Variants in SCAPER observed in about 807,000 individuals in gnomAD.
SCAPER encodes S-phase cyclin A associated protein in the ER, also known as S phase cyclin A-associated protein in the endoplasmic reticulum.
In SCAPER, 98 loss-of-function variants were observed where a neutral mutation model predicts 182.2. The observed-to-expected ratio is 0.54, with a 90% CI of 0.46 to 0.64. The LOEUF (loss-of-function observed/expected upper bound fraction) is 0.64, where lower values mean the gene tolerates loss of function less well. Ranked by LOEUF, SCAPER falls within the 30% of genes least tolerant of loss-of-function variation. The probability of loss-of-function intolerance (pLI) is 0.00; values close to 1 mark genes in which losing one functional copy is unlikely to be tolerated. For synonymous variants in SCAPER, 605 were observed against 564.6 expected, an observed-to-expected ratio of 1.07 and a Z score of -1.01; for missense variants, 1,432 against 1,690.0, an observed-to-expected ratio of 0.85 and a Z score of 2.68.
intron 23 of SCAPER, among the ~76,000 whole-genome samples, chr15:76,562,285 A>G (rs977598230): frequency 6.6e-6 from 1 of 152,154 alleles, no homozygotes; most frequent in Non-Finnish European, 1.5e-5. Flanking sequence ...TTTATAAAAG[A>G]CAATATTGAT....
rs187471649 is a variant in SCAPER, at chr15:76,816,211, C to A, written c.394-11578G>T. ...TGTCTTCCTAATAAATTAACCTTAGCTTACTACAATCTTTTTACTTTATAA... is the reference window on the plus strand; with the variant it reads ...TGTCTTCCTAATAAATTAACCTTAGATTACTACAATCTTTTTACTTTATAA... On this transcript the variant is annotated intron_variant, in intron 5 of 31. Coordinates refer to ENST00000563290, the MANE Select transcript of SCAPER (RefSeq NM_020843.4). Among the ~76,000 whole-genome samples, 575 of 152,296 alleles carry A rather than the reference C, an allele frequency of 3.8e-3. 4 individuals are homozygous for A. The highest frequency in any genetic ancestry group is 0.013 in the African/African-American group (561 of 41,562).
chr15:76,434,935 C>T (rs557445894), intron 25 of SCAPER, among the ~76,000 whole-genome samples: 1 of 152,242 alleles, frequency 6.6e-6, no homozygotes, highest in East Asian at 1.9e-4. Flanking sequence ...TCCCTAGCTC[C>T]CAGGACAACT....
intron 26 of SCAPER, among the ~76,000 whole-genome samples, chr15:76,433,611 T>C (rs1567129926): frequency 6.6e-6 from 1 of 152,226 alleles, no homozygotes; most frequent in Non-Finnish European, 1.5e-5. Context: ...ACTGAGATAA[T>C]CATTTTTCCC....
intron 23 of SCAPER, among the ~76,000 whole-genome samples, 163 bp downstream of exon 23, chr15:76,573,995 C>A (rs2062224153): frequency 6.6e-6 from 1 of 151,404 alleles, no homozygotes; most frequent in African/African-American, 2.4e-5. Context: ...AATTAAACAA[C>A]TGAAAAGAAC....
chr15:76,886,218 G>A lies in SCAPER; in HGVS notation c.-59-2342C>T, dbSNP rs143314099. ...CTCACAACCGGGCACAGTGGCTCACGCCTGTAATCCCACCACACTGGGAGG... is the reference window on the plus strand; with the variant it reads ...CTCACAACCGGGCACAGTGGCTCACACCTGTAATCCCACCACACTGGGAGG... On this transcript the variant is annotated intron_variant, in intron 1 of 31. Coordinates refer to ENST00000563290, the MANE Select transcript of SCAPER (RefSeq NM_020843.4). Among the ~76,000 whole-genome samples the A allele has an allele frequency of 8.1e-3, 1,232 of 152,300 alleles. 12 individuals are homozygous for A. Among genetic ancestry groups the A allele is most frequent in the African/African-American group, 0.028 (1,168 of 41,558 alleles).
At chr15:76,636,708 G>A (rs2053633388) in intron 21 of SCAPER, among the ~76,000 whole-genome samples, 1 of 152,126 alleles carries the variant, frequency 6.6e-6, no homozygotes, top group African/African-American at 2.4e-5. Flanking sequence ...ACCAAGATAA[G>A]TTAAAATGCC....
At chr15:76,767,167 GAACTC>G in intron 10 of SCAPER, 79 bp from the exon 11 acceptor site, 1 of 1,246,204 alleles carries the variant, frequency 8.0e-7, no homozygotes, top group Non-Finnish European at 1.1e-6. Flanking sequence ...GTTCTAACAT[GAACTC>G]AACAGTATAC....
intron 5 of SCAPER, among the ~76,000 whole-genome samples, chr15:76,828,025 A>G (rs544061161): frequency 3.3e-5 from 5 of 152,190 alleles, no homozygotes; most frequent in Non-Finnish European, 5.9e-5. Flanking sequence ...TAGCATGGGA[A>G]TGAGACTGGT....
chr15:76,431,144 C>A (rs1478638115), intron 26 of SCAPER, among the ~76,000 whole-genome samples: 1 of 127,888 alleles, frequency 7.8e-6, no homozygotes, highest in Non-Finnish European at 1.7e-5. Flanking sequence ...TTTTTCTCAG[C>A]CTTGGGTATG....
Position 76,800,263 on chromosome 15 carries a change from C to T in SCAPER, c.596G>A (p.Arg199Gln). 2 of 1,609,100 alleles carry T rather than the reference C, an allele frequency of 1.2e-6. No individual in the cohort carries two copies. ...TTCATCTCACCCAAAATTTAAGCTTCGTCGAGCATTTGATGTTACATTTAT... is the reference window on the plus strand; with the variant it reads ...TTCATCTCACCCAAAATTTAAGCTTTGTCGAGCATTTGATGTTACATTTAT... ...DRINVTSNAR[R>Q]SLNFGGSTGT... Residue 199 changes from arginine to glutamine, a missense_variant, in exon 7 of 32, where the codon CGA becomes CAA. Arg to Gln is a conservative substitution (Grantham distance 43, BLOSUM62 1). Around this residue, in one of 5 missense-constraint regions of SCAPER, gnomAD observed 480 missense variants for 510.2 expected, o/e 0.94. Coordinates refer to ENST00000563290, the MANE Select transcript of SCAPER (RefSeq NM_020843.4).
chr15:76,762,279 A>G (rs2062834296), intron 14 of SCAPER, among the ~76,000 whole-genome samples: 1 of 151,440 alleles, frequency 6.6e-6, no homozygotes, highest in Non-Finnish European at 1.5e-5. Flanking sequence ...CAGATTTATT[A>G]CTGCCATTTT....
At chr15:76,719,554 C>T (rs1441469757) in intron 17 of SCAPER, among the ~76,000 whole-genome samples, 1 of 152,014 alleles carries the variant, frequency 6.6e-6, no homozygotes, top group African/African-American at 2.4e-5. Context: ...GCCCTTGCCA[C>T]TAAAACAAAT....
intron 25 of SCAPER, among the ~76,000 whole-genome samples, chr15:76,435,168 C>A (rs1265578572): frequency 2.0e-5 from 3 of 152,100 alleles, no homozygotes; most frequent in African/African-American, 7.2e-5. Context: ...TCCACCCAAC[C>A]ACAAAGGGAG....
intron 8 of SCAPER, 147 bp from the exon 9 acceptor site, chr15:76,775,264 T>C (rs2063680145): frequency 7.6e-6 from 5 of 661,980 alleles, no homozygotes; most frequent in Non-Finnish European, 9.6e-6. Flanking sequence ...AATGTATATT[T>C]GTATATACAT....
chr15:76,632,065 T>C (rs1437451281), intron 21 of SCAPER, among the ~76,000 whole-genome samples: 1 of 152,228 alleles, frequency 6.6e-6, no homozygotes, highest in Non-Finnish European at 1.5e-5. Context: ...TTTCTTCCCC[T>C]TGATCTATTT....
intron 23 of SCAPER, among the ~76,000 whole-genome samples, chr15:76,555,362 G>A: frequency 6.6e-6 from 1 of 152,008 alleles, no homozygotes; most frequent in East Asian, 1.9e-4. Flanking sequence ...CAAGATGACA[G>A]GATCAAATCT....
intron 8 of SCAPER, among the ~76,000 whole-genome samples, chr15:76,776,256 A>G (rs1183559358): frequency 6.6e-6 from 1 of 152,150 alleles, no homozygotes; most frequent in Non-Finnish European, 1.5e-5. Flanking sequence ...CAAAGCACAG[A>G]AAAAAGGGTG....
intron 9 of SCAPER, chr15:76,774,479 T>A (rs892071144): frequency 1.6e-5 from 5 of 321,432 alleles, no homozygotes; most frequent in African/African-American, 1.1e-4. Context: ...AATACATAGA[T>A]ATCAAATTCT....
intron 14 of SCAPER, among the ~76,000 whole-genome samples, chr15:76,755,036 T>A (rs1266256637): frequency 6.6e-6 from 1 of 152,040 alleles, no homozygotes; most frequent in Non-Finnish European, 1.5e-5. Flanking sequence ...GATGAGAAAA[T>A]AACCAGAAAA....
Sources: allele counts gnomAD v4.1 joint callset (sites outside exome capture counted in the v4.1 genomes callset), GRCh38; gene constraint gnomAD v4.1.1; regional missense constraint gnomAD v4.1.1; transcripts MANE v1.5; gene names NCBI Gene and HGNC (gene_info 2026-07-23, HGNC 2026-07-21).